The following DPH6 variants were observed in gnomAD, a reference collection of about 807,000 sequenced individuals.
DPH6 encodes diphthine--ammonia ligase.
Under a neutral mutation model 38.2 loss-of-function variants are expected in DPH6, and 33 were observed. The ratio of observed to expected loss-of-function variants is 0.86; its 90% CI spans 0.65 to 1.15. The LOEUF (loss-of-function observed/expected upper bound fraction) is 1.15, where lower values mean the gene tolerates loss of function less well. Among genes scored for constraint, DPH6 ranks in the 50% most tolerant of loss-of-function variants. The probability of loss-of-function intolerance (pLI) is 0.00; values close to 1 mark genes in which losing one functional copy is unlikely to be tolerated. For synonymous variants in DPH6, 108 were observed against 103.0 expected, an observed-to-expected ratio of 1.05 and a Z score of -0.30; for missense variants, 325 against 320.0, an observed-to-expected ratio of 1.02 and a Z score of -0.12.
intron 6 of DPH6, among the ~76,000 whole-genome samples, chr15:35,404,483 G>T (rs2140983427): frequency 6.6e-6 from 1 of 152,226 alleles, no homozygotes; most frequent in South Asian, 2.1e-4. Flanking sequence ...CAATGATGTT[G>T]AACACCTTTT....
intron 3 of DPH6, 28 bp downstream of exon 3, chr15:35,538,246 A>C: frequency 1.4e-6 from 2 of 1,420,290 alleles, no homozygotes; most frequent in Non-Finnish European, 1.9e-6. Flanking sequence ...CACTAAATCC[A>C]ATATACTTAA....
At chr15:35,448,395 G>T (rs1163205868) in intron 5 of DPH6, among the ~76,000 whole-genome samples, 1 of 152,140 alleles carries the variant, frequency 6.6e-6, no homozygotes, top group Non-Finnish European at 1.5e-5. Flanking sequence ...CACTGTGGAA[G>T]AAAGAGTGCA....
the DPH6 span, among the ~76,000 whole-genome samples, chr15:35,156,995 C>T: frequency 6.6e-6 from 1 of 152,222 alleles, no homozygotes; most frequent in East Asian, 1.9e-4. Flanking sequence ...TTGACAGACA[C>T]CACTATAATT....
chr15:35,359,026 G>T (rs1158744769), intron 3 of DPH6, among the ~76,000 whole-genome samples: 1 of 152,086 alleles, frequency 6.6e-6, no homozygotes, highest in Non-Finnish European at 1.5e-5. Context: ...AGGTGTGTGT[G>T]AGCTCAGACT....
At chr15:35,204,926 C>T in the DPH6 span, among the ~76,000 whole-genome samples, 1 of 151,736 alleles carries the variant, frequency 6.6e-6, no homozygotes, top group Admixed American at 6.6e-5. Context: ...TAAGTGAATA[C>T]AGAAGGAAGA....
chr15:35,487,465 C>A (rs1386691305), intron 3 of DPH6, among the ~76,000 whole-genome samples: 1 of 152,258 alleles, frequency 6.6e-6, no homozygotes, highest in Admixed American at 6.5e-5. Context: ...ATGTGGAAGC[C>A]ACCAAGGCTT....
intron 3 of DPH6, among the ~76,000 whole-genome samples, chr15:35,253,468 A>G (rs1033048112): frequency 1.1e-4 from 16 of 152,224 alleles, no homozygotes; most frequent in Admixed American, 3.3e-4. Context: ...TTAATGTCTC[A>G]TCAACTTCCC....
chr15:35,544,654 G>A (rs912006623), intron 1 of DPH6, among the ~76,000 whole-genome samples: 16 of 152,058 alleles, frequency 1.1e-4, no homozygotes, highest in Admixed American at 4.6e-4. Context: ...AAATGCTTAC[G>A]TATTCATACT....
At position 35,219,714 on chromosome 15, in the gene DPH6, T is replaced by G. The variant is rs921007192; in HGVS notation, n.1069A>C. The G allele has an allele frequency of 8.5e-5, 13 of 152,162 alleles. No homozygotes were observed. The East Asian group carries it at 2.5e-3, about 29-fold the overall frequency. The allele number at this position is 152,162 out of a possible 1,614,324, so 9.4% of individuals were successfully genotyped here. ...ACAGTGCTAAGTCATAACAAGTACATTGACAAAGTCCAGGGAGTAGCTGTT... is the reference window on the plus strand; with the variant it reads ...ACAGTGCTAAGTCATAACAAGTACAGTGACAAAGTCCAGGGAGTAGCTGTT... On this transcript the variant is annotated non_coding_transcript_exon_variant, in exon 4 of 4. Transcript: ENST00000560386.
chr15:35,520,176 G>A (rs2054901534), intron 3 of DPH6: 1 of 413,372 alleles, frequency 2.4e-6, no homozygotes, highest in South Asian at 1.0e-4. Flanking sequence ...TGGATAAAAT[G>A]ACAGCTACAG....
chr15:35,257,521 T>C (rs1156944933), intron 3 of DPH6, among the ~76,000 whole-genome samples: 4 of 152,100 alleles, frequency 2.6e-5, no homozygotes, highest in South Asian at 4.1e-4. Context: ...TTGGTAGAGG[T>C]GGTAGTGACT....
At chr15:35,200,858 G>A in the DPH6 span, among the ~76,000 whole-genome samples, 1 of 151,162 alleles carries the variant, frequency 6.6e-6, no homozygotes. Context: ...ATTGCTTTAA[G>A]GACCAAAGAG....
At chr15:35,263,879 T>C (rs1002631552) in intron 3 of DPH6, among the ~76,000 whole-genome samples, 55 of 151,606 alleles carry the variant, frequency 3.6e-4, no homozygotes, top group Non-Finnish European at 2.9e-5. Flanking sequence ...GCCTGGCTAA[T>C]TTTTTTTGTA....
At chr15:35,483,474 C>CAAAAAAAAAAAAAA (rs372002791) in intron 3 of DPH6, among the ~76,000 whole-genome samples, 1 of 123,832 alleles carries the variant, frequency 8.1e-6, no homozygotes. Context: ...AAAAAAAAAC[C>CAAAAAAAAAAAAAA]AAAAAAAAAA....
chr15:35,465,175 C>G (rs986127163), intron 3 of DPH6, among the ~76,000 whole-genome samples: 2 of 152,110 alleles, frequency 1.3e-5, no homozygotes, highest in African/African-American at 4.8e-5. Flanking sequence ...TTGCATTTAT[C>G]GGGGATATAA....
chr15:35,285,872 G>GTTTTTTTTTTTTCTTTTTTTT (rs2051938772), intron 3 of DPH6, among the ~76,000 whole-genome samples: 1 of 52,794 alleles, frequency 1.9e-5, no homozygotes, highest in Non-Finnish European at 3.3e-5. Context: ...TTATCTTTGA[G>GTTTTTTTTTTTTCTTTTTTTT]TTTTTTTTTT....
At position 35,543,240 on chromosome 15, in the gene DPH6, A is replaced by G. The variant is rs886546426; in HGVS notation, c.24-733T>C. Among the ~76,000 whole-genome samples the G allele has an allele frequency of 2.1e-5, 3 of 139,574 alleles. No homozygotes were observed. The South Asian group carries it at 6.7e-4, about 31-fold the overall frequency. The allele number at this position is 139,574 out of a possible 152,430, so 91.6% of individuals were successfully genotyped here. ...ACTTCAGCCATCTCTACACATACAT[A>G]TAGTACACACATACACATAATATAT... On this transcript the variant is annotated intron_variant, in intron 1 of 8. Coordinates refer to ENST00000256538, the MANE Select transcript of DPH6 (RefSeq NM_080650.4).
intron 3 of DPH6, among the ~76,000 whole-genome samples, chr15:35,504,490 T>G (rs1327815185): frequency 7.0e-6 from 1 of 143,272 alleles, no homozygotes; most frequent in African/African-American, 2.6e-5. Context: ...AACATTTGTT[T>G]AAAAAAAAAA....
At chr15:35,538,584 A>G (rs1453902475) in intron 2 of DPH6, 117 bp from the exon 3 acceptor site, 2 of 856,172 alleles carry the variant, frequency 2.3e-6, no homozygotes, top group African/African-American at 3.4e-5. Context: ...AGCTTGCTAT[A>G]CTATGTTTCT....
Sources: allele counts gnomAD v4.1 joint callset (sites outside exome capture counted in the v4.1 genomes callset), GRCh38; gene constraint gnomAD v4.1.1; transcripts MANE v1.5; gene names NCBI Gene and HGNC (gene_info 2026-07-23, HGNC 2026-07-21).